The following ABCB1 variants were observed in gnomAD, a reference collection of about 807,000 sequenced individuals.
ABCB1 encodes ATP-dependent translocase ABCB1.
Under a neutral mutation model 142.0 loss-of-function variants are expected in ABCB1, and 69 were observed. That is an observed-to-expected ratio of 0.49 (90% confidence interval 0.40 to 0.59). The LOEUF is 0.59. Ranked by LOEUF, ABCB1 falls within the 20% of genes least tolerant of loss-of-function variation. ABCB1 has a pLI of 0.00. For missense variants in ABCB1, 1,326 were observed against 1,554.7 expected (o/e 0.85, Z 2.47); for synonymous variants, 532 against 539.2 (o/e 0.99, Z 0.18).
chr7:87,609,591 G>T (rs559942844), intron 1 of ABCB1, among the ~76,000 whole-genome samples: 2 of 152,266 alleles, frequency 1.3e-5, no homozygotes, highest in African/African-American at 4.8e-5. Context: ...GCTAGCATGG[G>T]AATCCATGCT....
chr7:87,507,055 A>G (rs536601551), intron 26 of ABCB1, among the ~76,000 whole-genome samples: 1 of 152,336 alleles, frequency 6.6e-6, no homozygotes, highest in African/African-American at 2.4e-5. Context: ...GCAGTGCGGC[A>G]GTCTTACAAG....
intron 1 of ABCB1, chr7:87,693,757 C>T (rs1376901579): frequency 4.7e-6 from 3 of 642,542 alleles, no homozygotes; most frequent in African/African-American, 1.9e-5. Flanking sequence ...TTTATCTTAA[C>T]AGAGTTCATT....
chr7:87,580,362 A>G (rs966155667), intron 4 of ABCB1, among the ~76,000 whole-genome samples: 35 of 152,172 alleles, frequency 2.3e-4, no homozygotes, highest in Non-Finnish European at 4.4e-4. Flanking sequence ...AGCACTTTAA[A>G]TATGTCACGC....
chr7:87,674,988 C>G, intron 1 of ABCB1, among the ~76,000 whole-genome samples: 1 of 152,338 alleles, frequency 6.6e-6, no homozygotes, highest in East Asian at 1.9e-4. Context: ...CAGGCTGGAG[C>G]CCTGTACCTA....
At chr7:87,504,479 A>C in intron 27 of ABCB1, 30 bp from the exon 28 acceptor site, 85 of 1,608,928 alleles carry the variant, frequency 5.3e-5, no homozygotes, top group Non-Finnish European at 6.3e-5. Context: ...ATTAATTCTC[A>C]TAATAGTTCT....
intron 1 of ABCB1, among the ~76,000 whole-genome samples, chr7:87,652,122 A>G (rs1327396190): frequency 6.6e-6 from 1 of 152,134 alleles, no homozygotes; most frequent in Non-Finnish European, 1.5e-5. Context: ...AAATTTATAA[A>G]CAATGCCTAA....
chr7:87,647,773 A>G (rs1823159931), intron 1 of ABCB1, among the ~76,000 whole-genome samples: 1 of 152,210 alleles, frequency 6.6e-6, no homozygotes, highest in South Asian at 2.1e-4. Flanking sequence ...TCATGATCAG[A>G]CACCAATAAT....
intron 1 of ABCB1, among the ~76,000 whole-genome samples, chr7:87,636,672 T>G (rs1426391893): frequency 6.6e-6 from 1 of 152,252 alleles, no homozygotes; most frequent in Non-Finnish European, 1.5e-5. Flanking sequence ...AAAGCTTTAT[T>G]GTTTTATTTT....
chr7:87,608,037 G>A (rs1052161604), intron 1 of ABCB1, among the ~76,000 whole-genome samples: 1 of 152,132 alleles, frequency 6.6e-6, no homozygotes. Flanking sequence ...GAAATAGTTG[G>A]AACTTTTTTG....
intron 1 of ABCB1, among the ~76,000 whole-genome samples, chr7:87,677,254 T>A (rs1308248112): frequency 7.1e-6 from 1 of 141,790 alleles, no homozygotes; most frequent in Non-Finnish European, 1.5e-5. Flanking sequence ...AAGGATGGAT[T>A]AATAAACTAC....
At chr7:87,514,242 A>G (rs1056187334) in intron 25 of ABCB1, among the ~76,000 whole-genome samples, 1 of 152,228 alleles carries the variant, frequency 6.6e-6, no homozygotes, top group African/African-American at 2.4e-5. Context: ...GCAGGCATCC[A>G]TTCTGATTGG....
chr7:87,578,057 T>C (rs1818347418), intron 4 of ABCB1, among the ~76,000 whole-genome samples: 4 of 152,256 alleles, frequency 2.6e-5, no homozygotes, highest in African/African-American at 9.6e-5. Flanking sequence ...TTTCAGGTCA[T>C]AGATTTAAGT....
intron 8 of ABCB1, among the ~76,000 whole-genome samples, chr7:87,558,616 A>T (rs983856754): frequency 1.3e-5 from 2 of 151,986 alleles, no homozygotes; most frequent in African/African-American, 4.8e-5. Flanking sequence ...CATTTGCCTC[A>T]TTCATTATTT....
intron 1 of ABCB1, among the ~76,000 whole-genome samples, chr7:87,643,806 C>T (rs1460697920): frequency 1.3e-5 from 2 of 151,976 alleles, no homozygotes; most frequent in Admixed American, 6.5e-5. Context: ...GGATTACAGG[C>T]GTGAGCCACC....
At chr7:87,697,070 G>T (rs983053149) in intron 1 of ABCB1, among the ~76,000 whole-genome samples, 3 of 152,140 alleles carry the variant, frequency 2.0e-5, no homozygotes, top group Non-Finnish European at 4.4e-5. Context: ...CTAAAGAGAA[G>T]ATTTAAAATA....
chr7:87,620,531 G>A (rs1222786509), intron 1 of ABCB1, among the ~76,000 whole-genome samples: 1 of 152,128 alleles, frequency 6.6e-6, no homozygotes. Flanking sequence ...TCCGTTGCAT[G>A]AGATAATTTA....
Position 87,561,944 on chromosome 7 carries a change from C to A in ABCB1, c.703-557G>T, listed in dbSNP as rs573420262. Among the ~76,000 whole-genome samples, 9 of 152,242 alleles carry A rather than the reference C, an allele frequency of 5.9e-5. No homozygotes were observed. The South Asian group carries it at 1.9e-3, about 32-fold the overall frequency. On this transcript the variant is annotated intron_variant, in intron 7 of 27. Transcript: ENST00000622132. The stretch of plus-strand genomic sequence containing the variant: ...GAGGCTGCCGTGAGCAGTGGTTGTG[C>A]CACTGCAGTCCAGCCTGGGCAACAG...
intron 1 of ABCB1, among the ~76,000 whole-genome samples, chr7:87,695,389 T>G (rs1373966035): frequency 6.6e-6 from 1 of 152,118 alleles, no homozygotes; most frequent in Admixed American, 6.5e-5. Context: ...AAATTAGCAG[T>G]AAGAAACTTG....
chr7:87,656,357 C>T (rs965456827), intron 1 of ABCB1, among the ~76,000 whole-genome samples: 8 of 151,734 alleles, frequency 5.3e-5, no homozygotes, highest in East Asian at 1.9e-4. Flanking sequence ...CTAGACAATA[C>T]GGTATGCATT....
Sources: gnomAD v4.1 joint callset for allele counts (sites outside exome capture counted in the v4.1 genomes callset) on GRCh38, gnomAD v4.1.1 for gene constraint, MANE v1.5 for transcripts, NCBI Gene and HGNC (gene_info 2026-07-23, HGNC 2026-07-21) for gene names.